Variants in SUN3 observed in about 807,000 individuals in gnomAD.
SUN3 encodes the protein Sad1 and UNC84 domain containing 3, also known as SUN domain-containing protein 3.
SUN3 carries 36 observed loss-of-function variants against 48.2 expected under a neutral mutation model. The ratio of observed to expected loss-of-function variants is 0.75; its 90% CI spans 0.57 to 0.99. The LOEUF is 0.99. Among genes scored for constraint, SUN3 ranks in the 50% least tolerant of loss-of-function variants. The probability of loss-of-function intolerance (pLI) is 0.00; values close to 1 mark genes in which losing one functional copy is unlikely to be tolerated. For missense variants in SUN3, 419 were observed against 433.1 expected, an observed-to-expected ratio of 0.97 and a Z score of 0.29; for synonymous variants, 148 against 147.9, an observed-to-expected ratio of 1.00 and a Z score of 0.00.
In SUN3 at chr7:47,996,036, G is replaced by T. The variant is rs1169218669; in HGVS notation, c.688C>A (p.Leu230Ile). 1.3e-6 allele frequency: 2 copies of T among 1,508,124 alleles called. No individual in the cohort carries two copies. The highest frequency in any genetic ancestry group is 1.8e-6 in the Non-Finnish European group (2 of 1,122,902). 93.4% of individuals were successfully genotyped at this position (1,508,124 alleles called of 1,614,324 possible). A position where few individuals can be genotyped will look rare whatever the true frequency, so the allele number is the denominator to read the frequency against. The change falls in exon 7 of 10, where the codon CTT (leucine) becomes ATT (isoleucine). Residue 230 changes from leucine to isoleucine, a missense_variant. By Grantham distance (5) the Leu-to-Ile change is conservative. Coordinates refer to ENST00000297325, the MANE Select transcript of SUN3 (RefSeq NM_001030019.2). ...LNHEMPPDII[L>I]QPDVYPGKCW... The stretch of plus-strand genomic sequence containing the variant: ...GATTCTTAATTTAGCTTTACCTGAA[G>T]AATAATATCTGGAGGCATTTCATGA...
chr7:48,035,065 T>G, the SUN3 span, among the ~76,000 whole-genome samples: 1 of 152,250 alleles, frequency 6.6e-6, no homozygotes, highest in African/African-American at 2.4e-5. This position sits in a 1 kb window ranked among gnomAD's most constrained non-coding sequence, Gnocchi z 4.0. Context: ...AAATTCTTTT[T>G]ATGTTTTATT....
intron 6 of SUN3, among the ~76,000 whole-genome samples, chr7:47,998,156 C>T (rs1245308322): frequency 6.6e-6 from 1 of 152,150 alleles, no homozygotes; most frequent in East Asian, 1.9e-4. Flanking sequence ...CAAACTTTGC[C>T]AGAGTGGCTG....
intron 6 of SUN3, among the ~76,000 whole-genome samples, chr7:48,005,000 T>C (rs542820853): frequency 6.6e-6 from 1 of 152,378 alleles, no homozygotes; most frequent in African/African-American, 2.4e-5. Flanking sequence ...CATCTATGGC[T>C]ACAGAGAAGC....
chr7:48,006,433 A>G (rs1789527185), intron 5 of SUN3, among the ~76,000 whole-genome samples: 1 of 152,164 alleles, frequency 6.6e-6, no homozygotes, highest in Non-Finnish European at 1.5e-5. Flanking sequence ...AGACTTGAAC[A>G]TTCTAGAGTT....
At chr7:47,995,661 G>T (rs866458203) in intron 7 of SUN3, among the ~76,000 whole-genome samples, 4 of 152,274 alleles carry the variant, frequency 2.6e-5, no homozygotes, top group South Asian at 4.1e-4. Context: ...GTACAGTACT[G>T]GCACTTAGGA....
At position 47,994,314 on chromosome 7, in the gene SUN3, C is replaced by T. The variant is rs567424793; in HGVS notation, c.861+1G>A. The T allele has an allele frequency of 1.5e-4, 245 of 1,613,200 alleles. 4 individuals carry two copies. The South Asian group carries it at 2.6e-3, about 17-fold the overall frequency. On this transcript the variant is annotated splice_donor_variant, in intron 8 of 9. Coordinates refer to ENST00000297325, the MANE Select transcript of SUN3 (RefSeq NM_001030019.2). LOFTEE classifies it high-confidence loss of function. The stretch of plus-strand genomic sequence containing the variant: ...AATGACAAATTTAGATAGCTTCTTA[C>T]ATAGACAGAAAATTCCTTGGGTGCA...
At chr7:48,029,662 A>G (rs1790227676), upstream of SUN3, among the ~76,000 whole-genome samples, 1 of 152,174 alleles carries the variant, frequency 6.6e-6, no homozygotes, top group Non-Finnish European at 1.5e-5. Context: ...TTTTTTTGGC[A>G]AGGAATAATG....
At chr7:48,028,210 C>T (rs1790186395) in intron 1 of SUN3, among the ~76,000 whole-genome samples, 1 of 151,962 alleles carries the variant, frequency 6.6e-6, no homozygotes, top group Non-Finnish European at 1.5e-5. Context: ...AAGGTTATTT[C>T]ATTACTTGTA....
At chr7:48,027,021 T>C (rs538722760) in intron 1 of SUN3, among the ~76,000 whole-genome samples, 1 of 152,180 alleles carries the variant, frequency 6.6e-6, no homozygotes, top group Admixed American at 6.5e-5. Flanking sequence ...CCTCCAAAGG[T>C]ACCTGCTCTC....
chr7:48,015,248 T>C (rs762138718), intron 3 of SUN3, among the ~76,000 whole-genome samples: 27 of 152,206 alleles, frequency 1.8e-4, no homozygotes, highest in Non-Finnish European at 2.9e-4. Context: ...GTCTTTGATG[T>C]GAGAACCTCG....
At chr7:47,994,227 C>CT (rs1191524512) in intron 8 of SUN3, 88 bp downstream of exon 8, 22 of 1,211,464 alleles carry the variant, frequency 1.8e-5, no homozygotes, top group Non-Finnish European at 2.4e-5. Context: ...AACTAGTTAT[C>CT]TGTCCTAGTT....
rs779366387 is a variant in SUN3, at chr7:48,001,740, G to A, written c.577+4229C>T. 3.9e-5 allele frequency among the ~76,000 whole-genome samples: 6 copies of A among 152,104 alleles called. No homozygotes were observed. In the East Asian group the frequency reaches 5.8e-4, roughly 15 times the overall value. ...TTTAGTAGAGACAGGGTTTCACCGC[G>A]TTAGCCAGGATGGTCTCGATCTCCT... On this transcript the variant is annotated intron_variant, in intron 6 of 9. Transcript: ENST00000297325.
chr7:48,022,736 A>C (rs1790033723), intron 2 of SUN3, among the ~76,000 whole-genome samples: 1 of 152,082 alleles, frequency 6.6e-6, no homozygotes. Context: ...AACTGTTGAA[A>C]GACAAAAACA....
rs565217629 is a variant in SUN3 at position 48,017,863 on chromosome 7, T to C, written c.185-498A>G. On this transcript the variant is annotated intron_variant, in intron 2 of 9. Coordinates refer to ENST00000297325, the MANE Select transcript of SUN3 (RefSeq NM_001030019.2). ...TGTTTATTCCACGCCTATAGCTTTC[T>C]AGGAAGTGGCAATATCTATTGAAAG... is the stretch of plus-strand genomic sequence containing the variant. Among the ~76,000 whole-genome samples the C allele has an allele frequency of 1.4e-3, 218 of 152,292 alleles. 1 individual carries two copies. Among genetic ancestry groups the C allele is most frequent in the African/African-American group, 4.9e-3 (202 of 41,552 alleles).
At chr7:48,030,082 T>A (rs1790235002), upstream of SUN3, among the ~76,000 whole-genome samples, 2 of 152,356 alleles carry the variant, frequency 1.3e-5, no homozygotes, top group South Asian at 4.1e-4. Context: ...ATATTGCTTC[T>A]CTGCCACTGC....
chr7:48,011,228 A>G (rs1189063128), intron 3 of SUN3, among the ~76,000 whole-genome samples: 8 of 152,200 alleles, frequency 5.3e-5, no homozygotes, highest in Non-Finnish European at 1.0e-4. Context: ...TCAATGTGCT[A>G]TCTGGGAAAT....
intron 6 of SUN3, among the ~76,000 whole-genome samples, chr7:47,996,396 G>T (rs1314744370): frequency 1.3e-5 from 2 of 152,060 alleles, no homozygotes; most frequent in Non-Finnish European, 2.9e-5. Flanking sequence ...GAATTTTGAG[G>T]CAAGTAAATT....
intron 8 of SUN3, 57 bp downstream of exon 8, chr7:47,994,258 C>A: frequency 6.3e-7 from 1 of 1,585,560 alleles, no homozygotes; most frequent in Non-Finnish European, 8.6e-7. Flanking sequence ...CCCCTAATTC[C>A]TAGCCAACCA....
At chr7:48,016,387 C>T (rs1427673798) in intron 3 of SUN3, among the ~76,000 whole-genome samples, 7 of 152,182 alleles carry the variant, frequency 4.6e-5, no homozygotes, top group Admixed American at 3.3e-4. Context: ...CGTTGCAATT[C>T]CCCTGTCTTG....
Sources: allele counts gnomAD v4.1 joint callset (sites outside exome capture counted in the v4.1 genomes callset), GRCh38; gene constraint gnomAD v4.1.1; non-coding constraint Gnocchi (gnomAD v3.1); transcripts MANE v1.5; gene names NCBI Gene and HGNC (gene_info 2026-07-23, HGNC 2026-07-21).